The following LGR5 variants were observed in gnomAD, a reference collection of about 807,000 sequenced individuals.
LGR5 encodes leucine-rich repeat-containing G protein-coupled receptor 5.
Under a neutral mutation model 76.7 loss-of-function variants are expected in LGR5, and 54 were observed. The observed-to-expected ratio is 0.70, with a 90% CI of 0.57 to 0.88. The LOEUF is 0.88. LGR5 is among the 40% of genes least tolerant of loss of function. LGR5 has a pLI of 0.00. For missense variants in LGR5, 1,078 were observed against 1,073.3 expected (o/e 1.00, Z -0.06); for synonymous variants, 406 against 421.9 (o/e 0.96, Z 0.46).
intron 4 of LGR5, among the ~76,000 whole-genome samples, chr12:71,540,823 A>G (rs572343469): frequency 1.3e-5 from 2 of 152,318 alleles, no homozygotes; most frequent in African/African-American, 4.8e-5. Flanking sequence ...AAAAGAAAGA[A>G]GATGAGGTAG....
intron 2 of LGR5, among the ~76,000 whole-genome samples, chr12:71,520,812 C>G (rs1446334839): frequency 2.6e-5 from 4 of 152,008 alleles, no homozygotes; most frequent in Admixed American, 2.6e-4. Flanking sequence ...CACATGTATA[C>G]CTGTGTAACA....
chr12:71,579,048 C>A, intron 15 of LGR5, 119 bp downstream of exon 15: 2 of 846,206 alleles, frequency 2.4e-6, no homozygotes, highest in Non-Finnish European at 1.7e-6. Context: ...ATTTCATGCC[C>A]TCAAGTCTCC....
chr12:71,475,506 T>C (rs1034543383), intron 1 of LGR5, among the ~76,000 whole-genome samples: 1 of 152,180 alleles, frequency 6.6e-6, no homozygotes, highest in Non-Finnish European at 1.5e-5. Context: ...GGCCTCCTAA[T>C]GGGTCGTGTT....
chr12:71,544,300 T>C (rs1040673678), intron 4 of LGR5, among the ~76,000 whole-genome samples: 4 of 97,914 alleles, frequency 4.1e-5, no homozygotes, highest in African/African-American at 1.0e-4. Context: ...TTCGTCTTTT[T>C]TTTTTTCTTC....
At chr12:71,583,558 G>T (rs1233991375) in intron 17 of LGR5, 89 bp from the exon 18 acceptor site, 41 of 1,424,608 alleles carry the variant, frequency 2.9e-5, no homozygotes, top group Non-Finnish European at 3.9e-5. Context: ...TTATCTCTTG[G>T]CATCCTAAAT....
chr12:71,507,251 T>C (rs1355394553), intron 2 of LGR5, among the ~76,000 whole-genome samples: 1 of 152,144 alleles, frequency 6.6e-6, no homozygotes, highest in African/African-American at 2.4e-5. Context: ...AGATTCAAAA[T>C]GACTTTCAAA....
intron 1 of LGR5, among the ~76,000 whole-genome samples, chr12:71,464,946 G>A (rs1410098135): frequency 6.6e-6 from 1 of 152,114 alleles, no homozygotes; most frequent in Non-Finnish European, 1.5e-5. Flanking sequence ...GCAGGATTGG[G>A]CAGAGGGAGA....
intron 13 of LGR5, 74 bp downstream of exon 13, chr12:71,572,995 T>C (rs1878685179): frequency 9.0e-7 from 1 of 1,106,476 alleles, no homozygotes; most frequent in Non-Finnish European, 1.4e-6. Flanking sequence ...CCTAATGTTT[T>C]CTTTTCATTG....
At chr12:71,485,384 G>A (rs2137268307) in intron 1 of LGR5, among the ~76,000 whole-genome samples, 1 of 152,182 alleles carries the variant, frequency 6.6e-6, no homozygotes, top group African/African-American at 2.4e-5. Context: ...CAGAACATCA[G>A]AAGCAAGCAT....
At position 71,577,909 on chromosome 12, in the gene LGR5, C is replaced by T. The variant is rs1878927867; in HGVS notation, c.1209-16C>T. The T allele has an allele frequency of 2.5e-6, 4 of 1,581,146 alleles. No individual in the cohort carries two copies. Among genetic ancestry groups the T allele is most frequent in the East Asian group, 2.2e-5 (1 of 44,748 alleles). On this transcript the variant is annotated splice_polypyrimidine_tract_variant and intron_variant, in intron 13 of 17. Coordinates refer to ENST00000266674, the MANE Select transcript of LGR5 (RefSeq NM_003667.4). Reference sequence around the variant, plus strand: ...TTATTCTATATAATTCTCTCATTTGCCTTTTTTTACAATAGGAATTTGGCT... The same window carrying T: ...TTATTCTATATAATTCTCTCATTTGTCTTTTTTTACAATAGGAATTTGGCT...
At chr12:71,574,498 GAT>G (rs1328715363) in intron 13 of LGR5, among the ~76,000 whole-genome samples, 2 of 151,856 alleles carry the variant, frequency 1.3e-5, no homozygotes, top group African/African-American at 4.8e-5. Flanking sequence ...GATTCGTTTG[GAT>G]CACCATCATC....
At chr12:71,531,375 C>T (rs563183764) in intron 3 of LGR5, among the ~76,000 whole-genome samples, 2 of 152,298 alleles carry the variant, frequency 1.3e-5, no homozygotes, top group African/African-American at 4.8e-5. Flanking sequence ...CTAATTAACC[C>T]ACTGGAGACT....
At position 71,528,181 on chromosome 12, in the gene LGR5, C is replaced by T. The variant is rs1876114097; in HGVS notation, c.356+3704C>T. ...GTTTAAAATCGTGTTCGTAGCTGGG[C>T]ACGGTGGCTCATGCCTGTATAATCC... is the stretch of plus-strand genomic sequence containing the variant. On this transcript the variant is annotated intron_variant, in intron 3 of 17. Transcript: ENST00000266674. 3.3e-5 allele frequency among the ~76,000 whole-genome samples: 5 copies of T among 152,264 alleles called. No homozygotes were observed. In the South Asian group the frequency reaches 1.0e-3, roughly 32 times the overall value.
At chr12:71,538,451 C>T (rs1486932682) in intron 4 of LGR5, among the ~76,000 whole-genome samples, 1 of 151,564 alleles carries the variant, frequency 6.6e-6, no homozygotes, top group Non-Finnish European at 1.5e-5. Flanking sequence ...AAGAAGAATT[C>T]GAGGGTACAG....
chr12:71,504,813 C>G, intron 2 of LGR5, 128 bp downstream of exon 2: 1 of 788,608 alleles, frequency 1.3e-6, no homozygotes, highest in Non-Finnish European at 2.3e-6. Flanking sequence ...AATTTCAGAA[C>G]ATGAGGAAAC....
chr12:71,494,281 T>C (rs4760801), intron 1 of LGR5, among the ~76,000 whole-genome samples: 76,270 of 149,878 alleles, frequency 0.51, 20,700 homozygotes, highest in East Asian at 0.85. Flanking sequence ...TCTCACTATG[T>C]TGCCCAGGCT....
At chr12:71,498,834 C>A (rs550177400) in intron 1 of LGR5, among the ~76,000 whole-genome samples, 2 of 152,194 alleles carry the variant, frequency 1.3e-5, no homozygotes, top group African/African-American at 4.8e-5. Flanking sequence ...CTTGGTGGTC[C>A]GAAGAATCCC....
chr12:71,497,830 G>T (rs1592491760), intron 1 of LGR5, among the ~76,000 whole-genome samples: 2 of 152,264 alleles, frequency 1.3e-5, no homozygotes, highest in Non-Finnish European at 2.9e-5. Flanking sequence ...TAAAGAAAGA[G>T]CATCAATTTT....
chr12:71,563,208 C>T (rs1878148593), intron 8 of LGR5, among the ~76,000 whole-genome samples: 1 of 152,186 alleles, frequency 6.6e-6, no homozygotes, highest in Admixed American at 6.5e-5. Flanking sequence ...CCTCTCCTTG[C>T]TCCTGCATCT....
Sources: gnomAD v4.1 joint callset for allele counts (sites outside exome capture counted in the v4.1 genomes callset) on GRCh38, gnomAD v4.1.1 for gene constraint, MANE v1.5 for transcripts, NCBI Gene and HGNC (gene_info 2026-07-23, HGNC 2026-07-21) for gene names.